Variants in LY6K observed in about 807,000 individuals in gnomAD.
LY6K encodes lymphocyte antigen 6 family member K, also known as lymphocyte antigen 6K.
LY6K carries 9 observed loss-of-function variants against 10.4 expected under a neutral mutation model. The observed-to-expected ratio is 0.87, with a 90% CI of 0.52 to 1.52. The LOEUF (loss-of-function observed/expected upper bound fraction) is 1.52. LY6K is among the 40% of genes most tolerant of loss of function. LY6K has a pLI of 0.00. For missense variants in LY6K, 217 were observed against 211.7 expected (o/e 1.02, Z -0.15); for synonymous variants, 98 against 83.7 (o/e 1.17, Z -0.94).
Position 142,700,401 on chromosome 8 carries a change from GC to G in LY6K, c.-123del. 1.5e-6 allele frequency: 2 copies of G among 1,347,518 alleles called. No homozygotes were observed. The highest frequency in any genetic ancestry group is 1.8e-5 in the South Asian group (1 of 56,898). The allele number at this position is 1,347,518 out of a possible 1,614,324, so 83.5% of individuals were successfully genotyped here. Reference sequence around the variant, plus strand: ...AGGCCCCGGCGGGTGGGAGGCGCGCGCCCCGGGGCGGGCGGGGCTCCCCCTA... The same window carrying G: ...AGGCCCCGGCGGGTGGGAGGCGCGCGCCCGGGGCGGGCGGGGCTCCCCCTA... On this transcript the variant is annotated 5_prime_UTR_variant, in exon 1 of 3. Coordinates refer to ENST00000292430, the MANE Select transcript of LY6K (RefSeq NM_017527.4).
rs1815125696 is a variant in LY6K at position 142,703,439 on chromosome 8, C to T, written c.*68C>T. 1 of 1,525,290 alleles carries T rather than the reference C, an allele frequency of 6.6e-7. No individual in the cohort carries two copies. 94.5% of individuals were successfully genotyped at this position (1,525,290 alleles called of 1,614,324 possible). A position where few individuals can be genotyped will look rare whatever the true frequency, so the allele number is the denominator to read the frequency against. On this transcript the variant is annotated 3_prime_UTR_variant, in exon 3 of 3. Coordinates refer to ENST00000292430, the MANE Select transcript of LY6K (RefSeq NM_017527.4). ...CGCTCCAGACCGTTGTCACCTGTTG[C>T]ATTAAACTTGTTTTCTGTTGATTAC...
chr8:142,703,485 G>C lies in LY6K; in HGVS notation c.*114G>C. The C allele has an allele frequency of 7.5e-7, 1 of 1,328,718 alleles. No homozygotes were observed. The highest frequency in any genetic ancestry group is 1.5e-5 in the South Asian group (1 of 67,026). 82.3% of individuals were successfully genotyped at this position (1,328,718 alleles called of 1,614,324 possible). On this transcript the variant is annotated 3_prime_UTR_variant, in exon 3 of 3. Coordinates refer to ENST00000292430, the MANE Select transcript of LY6K (RefSeq NM_017527.4). Reference sequence around the variant, plus strand: ...ATTACCTCTTGGTTTGACTTCCCAGGGTCTTGGGATGGGAGAGTGGGGATC... The same window carrying C: ...ATTACCTCTTGGTTTGACTTCCCAGCGTCTTGGGATGGGAGAGTGGGGATC...
At chr8:142,701,579 C>T (rs1260800213) in intron 1 of LY6K, 21 bp from the exon 2 acceptor site, 2 of 1,527,370 alleles carry the variant, frequency 1.3e-6, no homozygotes, top group African/African-American at 1.4e-5. Context: ...ATTCTGCTTT[C>T]TTTTTTATTC....
Position 142,700,567 on chromosome 8 carries a change from C to T in LY6K, c.40C>T (p.Arg14Trp). The change falls in exon 1 of 3, where the codon CGG (arginine) becomes TGG (tryptophan). Residue 14 changes from arginine to tryptophan, a missense_variant. Transcript: ENST00000292430. The part of the protein sequence containing the change: ...LALLLVVALP[R>W]VWTDANLTAR... ...CTTGCTGCTGGTCGTGGCCCTACCG[C>T]GGGTGTGGACAGACGCCAACCTGAC... 6.3e-7 allele frequency: 1 copy of T among 1,586,326 alleles called. No homozygotes were observed. Among genetic ancestry groups the T allele is most frequent in the Non-Finnish European group, 8.6e-7 (1 of 1,168,532 alleles).
chr8:142,701,232 C>G (rs1554640067), intron 1 of LY6K, among the ~76,000 whole-genome samples: 1 of 152,162 alleles, frequency 6.6e-6, no homozygotes, highest in African/African-American at 2.4e-5. Flanking sequence ...GGGGGAGCCC[C>G]CAGGAGAGAA....
rs782253505 is a variant in LY6K, at chr8:142,701,641, GAA to G, written c.148_149del (p.Asn50HisfsTer67). On this transcript the variant is annotated frameshift_variant, in exon 2 of 3. Transcript: ENST00000292430. LOFTEE classifies it high-confidence loss of function. ...NRVWCHVCER[E>X]NTFECQNPRR... ...AGTGTGGTGTCATGTTTGTGAGAGA[GAA>G]AACACTTTCGAGTGCCAGAACCCAA... The G allele has an allele frequency of 1.5e-5, 25 of 1,613,922 alleles. No homozygotes were observed. The highest frequency in any genetic ancestry group is 1.5e-5 in the Non-Finnish European group (18 of 1,179,952).
intron 1 of LY6K, 77 bp from the exon 2 acceptor site, chr8:142,701,523 G>C (rs1815031942): frequency 4.2e-6 from 4 of 963,292 alleles, no homozygotes; most frequent in Non-Finnish European, 4.9e-6. Flanking sequence ...GTTTGTGCTG[G>C]TCGGATGCCG....
chr8:142,702,863 C>T, intron 2 of LY6K: 1 of 1,540,806 alleles, frequency 6.5e-7, no homozygotes. Context: ...GACCCGCATT[C>T]CCAGTGCATA....
Position 142,700,351 on chromosome 8 carries a change from G to A in LY6K, c.-177G>A. 1 of 1,327,126 alleles carries A rather than the reference G, an allele frequency of 7.5e-7. No individual in the cohort carries two copies. The allele number at this position is 1,327,126 out of a possible 1,614,324, so 82.2% of individuals were successfully genotyped here. A position where few individuals can be genotyped will look rare whatever the true frequency, so the allele number is the denominator to read the frequency against. ...GGGCCGCCAGCGGCCGCGAGGCCCT[G>A]AGATGAGGCTCCAAAGACCCCGACA... On this transcript the variant is annotated 5_prime_UTR_variant, in exon 1 of 3. Transcript: ENST00000292430.
Position 142,704,035 on chromosome 8 carries a change from A to G in LY6K, c.*664A>G, listed in dbSNP as rs587739717. 17 of 152,412 alleles carry G rather than the reference A, an allele frequency of 1.1e-4. No homozygotes were observed. Among genetic ancestry groups the G allele is most frequent in the African/African-American group, 3.6e-4 (15 of 41,590 alleles). The allele number at this position is 152,412 out of a possible 1,614,324, so 9.4% of individuals were successfully genotyped here. On this transcript the variant is annotated 3_prime_UTR_variant, in exon 3 of 3. Transcript: ENST00000292430. ...CGTGTGTGTTCAACATCTGAAACTT[A>G]GGCCAAGTAGAGAGCATCAGGGTAA...
Position 142,701,723 on chromosome 8 carries a change from T to C in LY6K, c.217+10T>C. 1 of 1,583,620 alleles carries C rather than the reference T, an allele frequency of 6.3e-7. No homozygotes were observed. Among genetic ancestry groups the C allele is most frequent in the Non-Finnish European group, 8.7e-7 (1 of 1,153,850 alleles). ...GTTATAGCGGCCGTGAGTGAGTATC[T>C]TCGCTCTTGTTGGGGACCCAAAGGC... is the stretch of plus-strand genomic sequence containing the variant. On this transcript the variant is annotated intron_variant, in intron 2 of 2. Coordinates refer to ENST00000292430, the MANE Select transcript of LY6K (RefSeq NM_017527.4).
rs1814969286 is a variant in LY6K at position 142,700,604 on chromosome 8, G to A, written c.77G>A (p.Arg26Gln). 18 of 1,572,760 alleles carry A rather than the reference G, an allele frequency of 1.1e-5. No homozygotes were observed. The highest frequency in any genetic ancestry group is 3.4e-4 in the Middle Eastern group (2 of 5,946). Residue 26 changes from arginine to glutamine, a missense_variant, in exon 1 of 3, where the codon CGA becomes CAA. By Grantham distance (43) the Arg-to-Gln change is conservative. Coordinates refer to ENST00000292430, the MANE Select transcript of LY6K (RefSeq NM_017527.4). The stretch of plus-strand genomic sequence containing the variant: ...GACGCCAACCTGACTGCGAGACAAC[G>A]AGATCCAGAGGACTCCCAGCGAACG... Reference protein sequence around the residue: ...WTDANLTARQRDPEDSQRTDE... With the variant: ...WTDANLTARQQDPEDSQRTDE...
rs1349428369 is a variant in LY6K, at chr8:142,704,362, G to T, written c.*991G>T. The stretch of plus-strand genomic sequence containing the variant: ...TGAAGAAAAGTGGGTGCCCTTTAAA[G>T]ATTTTTTAAAATTATAAAACAGAAG... On this transcript the variant is annotated 3_prime_UTR_variant, in exon 3 of 3. Transcript: ENST00000292430. 1.3e-5 allele frequency: 2 copies of T among 152,092 alleles called. No homozygotes were observed. The highest frequency in any genetic ancestry group is 6.5e-5 in the Admixed American group (1 of 15,274). The allele number at this position is 152,092 out of a possible 1,614,324, so 9.4% of individuals were successfully genotyped here.
intron 2 of LY6K, chr8:142,701,920 C>T: frequency 2.0e-6 from 1 of 495,154 alleles, no homozygotes; most frequent in African/African-American, 2.0e-5. Flanking sequence ...AGCGATTCTC[C>T]TGCCTCAGCC....
intron 2 of LY6K, 178 bp downstream of exon 2, chr8:142,701,891 A>G (rs1587561974): frequency 1.9e-6 from 1 of 533,978 alleles, no homozygotes; most frequent in East Asian, 3.3e-5. Flanking sequence ...GCTCACTGCA[A>G]CCTCGCCTTC....
Position 142,700,624 on chromosome 8 carries a change from C to A in LY6K, c.97C>A (p.Arg33=). The A allele has an allele frequency of 6.4e-7, 1 of 1,554,038 alleles. No individual in the cohort carries two copies. Among genetic ancestry groups the A allele is most frequent in the East Asian group, 2.6e-5 (1 of 38,918 alleles). Residue 33 remains arginine, a synonymous_variant, in exon 1 of 3, where the codon CGA becomes AGA. Transcript: ENST00000292430. ...ACAACGAGATCCAGAGGACTCCCAG[C>A]GAACGGGTGAGCCTGGCTCGCCCTC... ...ARQRDPEDSQ[R]TDEGDNRVWC...
chr8:142,701,583 T>C lies in LY6K; in HGVS notation c.104-17T>C, dbSNP rs1554640117. Reference sequence around the variant, plus strand: ...AGAACTGGAACATTCTGCTTTCTTTTTTATTCCTCCTTTCAGACGAGGGTG... The same window carrying C: ...AGAACTGGAACATTCTGCTTTCTTTCTTATTCCTCCTTTCAGACGAGGGTG... On this transcript the variant is annotated splice_polypyrimidine_tract_variant and intron_variant, in intron 1 of 2. Coordinates refer to ENST00000292430, the MANE Select transcript of LY6K (RefSeq NM_017527.4). The C allele has an allele frequency of 1.3e-6, 2 of 1,550,332 alleles. No homozygotes were observed. Among genetic ancestry groups the C allele is most frequent in the Non-Finnish European group, 1.8e-6 (2 of 1,122,128 alleles).
rs1393550499 is a variant in LY6K, at chr8:142,702,516, C to T, written c.218-575C>T. The T allele has an allele frequency of 1.0e-5, 16 of 1,535,576 alleles. No homozygotes were observed. In the African/African-American group the frequency reaches 1.1e-4, roughly 11 times the overall value. The stretch of plus-strand genomic sequence containing the variant: ...TGCCCACAGGGAGATCTTCAGGGCT[C>T]GTGAATTCTGATTCCGCCCAGCAGT... On this transcript the variant is annotated intron_variant, in intron 2 of 2. Transcript: ENST00000292430.
chr8:142,700,371 C>G lies in LY6K; in HGVS notation c.-157C>G. 7.5e-7 allele frequency: 1 copy of G among 1,335,500 alleles called. No individual in the cohort carries two copies. The highest frequency in any genetic ancestry group is 9.5e-7 in the Non-Finnish European group (1 of 1,047,168). 82.7% of individuals were successfully genotyped at this position (1,335,500 alleles called of 1,614,324 possible). ...GCCCTGAGATGAGGCTCCAAAGACC[C>G]CGACAGGCCCCGGCGGGTGGGAGGC... is the stretch of plus-strand genomic sequence containing the variant. On this transcript the variant is annotated 5_prime_UTR_variant, in exon 1 of 3. Transcript: ENST00000292430.
Sources: allele counts gnomAD v4.1 joint callset (sites outside exome capture counted in the v4.1 genomes callset), GRCh38; gene constraint gnomAD v4.1.1; transcripts MANE v1.5; gene names NCBI Gene and HGNC (gene_info 2026-07-23, HGNC 2026-07-21).